The following MAPK8 variants were observed in gnomAD, a reference collection of about 807,000 sequenced individuals.
MAPK8 encodes mitogen-activated protein kinase 8.
In MAPK8, 13 loss-of-function variants were observed where a neutral mutation model predicts 52.9. That is an observed-to-expected ratio of 0.25 (90% confidence interval 0.16 to 0.39). The LOEUF (loss-of-function observed/expected upper bound fraction) is 0.39. Ranked by LOEUF, MAPK8 falls within the 10% of genes least tolerant of loss-of-function variation. The pLI, the probability that MAPK8 is intolerant of heterozygous loss-of-function variation, is 1.00. For missense variants in MAPK8, 300 were observed against 519.2 expected (o/e 0.58, Z 4.10); for synonymous variants, 191 against 169.8 (o/e 1.12, Z -0.97).
intron 1 of MAPK8, among the ~76,000 whole-genome samples, chr10:48,353,248 A>G (rs1846515556): frequency 6.6e-6 from 1 of 152,242 alleles, no homozygotes; most frequent in Admixed American, 6.5e-5. Context: ...TCTACGATTT[A>G]TATGAAAAGA....
intron 5 of MAPK8, among the ~76,000 whole-genome samples, chr10:48,416,882 A>G (rs1465423213): frequency 6.6e-6 from 1 of 152,098 alleles, no homozygotes; most frequent in Non-Finnish European, 1.5e-5. Flanking sequence ...TCTAAAGTGG[A>G]TATTGAAGAA....
At chr10:48,403,915 A>ATTTGTGTG (rs1554830219) in intron 2 of MAPK8, among the ~76,000 whole-genome samples, 11 of 58,710 alleles carry the variant, frequency 1.9e-4, no homozygotes, top group Non-Finnish European at 2.8e-4. Context: ...CGCCCGGCTA[A>ATTTGTGTG]TTTGTGTGTG....
At chr10:48,341,549 TACTC>T (rs1209238383) in intron 1 of MAPK8, among the ~76,000 whole-genome samples, 5 of 152,236 alleles carry the variant, frequency 3.3e-5, no homozygotes, top group Non-Finnish European at 7.3e-5. Flanking sequence ...GGATAAAAGA[TACTC>T]AAGCTATAGT....
rs529058910 is a variant in MAPK8, at chr10:48,435,089, C to A, written c.*60C>A. Reference sequence around the variant, plus strand: ...AGTCGGTTAGTCATTGATAGAACTACTTTGAAAACAATTCAGTGGTCTTAT... The same window carrying A: ...AGTCGGTTAGTCATTGATAGAACTAATTTGAAAACAATTCAGTGGTCTTAT... On this transcript the variant is annotated 3_prime_UTR_variant, in exon 12 of 12. Transcript: ENST00000374189. 46 of 1,282,928 alleles carry A rather than the reference C, an allele frequency of 3.6e-5. No individual in the cohort carries two copies. In the African/African-American group the frequency reaches 6.6e-4, roughly 18 times the overall value. The allele number at this position is 1,282,928 out of a possible 1,614,324, so 79.5% of individuals were successfully genotyped here.
chr10:48,381,483 A>C (rs934498878), intron 1 of MAPK8, among the ~76,000 whole-genome samples: 3 of 152,104 alleles, frequency 2.0e-5, no homozygotes, highest in African/African-American at 7.2e-5. Flanking sequence ...TACGATTTTA[A>C]CTCTTAGTAG....
rs1299013395 is a variant in MAPK8, at chr10:48,425,892, T to C, written c.693T>C (p.Ile231=). The part of the protein sequence containing the change: ...HKILFPGRDY[I]DQWNKVIEQL... Reference sequence around the variant, plus strand: ...TTCTTAGCTACTTGATATTAGATATTGATCAGTGGAATAAAGTTATTGAAC... The same window carrying C: ...TTCTTAGCTACTTGATATTAGATATCGATCAGTGGAATAAAGTTATTGAAC... The change falls in exon 8 of 12, where the codon ATT becomes ATC. Residue 231 remains isoleucine (I), a synonymous_variant. Coordinates refer to ENST00000374189, the MANE Select transcript of MAPK8 (RefSeq NM_001323329.2). The C allele has an allele frequency of 6.3e-7, 1 of 1,591,952 alleles. No individual in the cohort carries two copies. The highest frequency in any genetic ancestry group is 2.2e-5 in the East Asian group (1 of 44,644).
At chr10:48,310,061 A>G (rs1453437223) in intron 1 of MAPK8, among the ~76,000 whole-genome samples, 1 of 152,214 alleles carries the variant, frequency 6.6e-6, no homozygotes, top group East Asian at 1.9e-4. Flanking sequence ...CTGAAAGGTA[A>G]CAGGAGTATT....
At chr10:48,426,206 G>A in intron 8 of MAPK8, 136 bp downstream of exon 8, 1 of 953,004 alleles carries the variant, frequency 1.0e-6, no homozygotes, top group Non-Finnish European at 1.5e-6. Flanking sequence ...GGAAAAAAAT[G>A]AGGTTTTTGT....
intron 1 of MAPK8, among the ~76,000 whole-genome samples, chr10:48,360,959 A>G (rs908520900): frequency 3.9e-5 from 6 of 152,186 alleles, no homozygotes; most frequent in Admixed American, 3.9e-4. Context: ...TATACAGAAT[A>G]CACTTTGTTA....
At chr10:48,338,752 A>G (rs2132314613) in intron 1 of MAPK8, among the ~76,000 whole-genome samples, 1 of 152,282 alleles carries the variant, frequency 6.6e-6, no homozygotes, top group Middle Eastern at 3.4e-3. Context: ...TAAATGTACA[A>G]AAATCACTGG....
chr10:48,351,837 G>A (rs1010825373), intron 1 of MAPK8, among the ~76,000 whole-genome samples: 2 of 151,874 alleles, frequency 1.3e-5, no homozygotes, highest in Admixed American at 1.3e-4. Flanking sequence ...TATTTGCATT[G>A]GTTGAGCATC....
At chr10:48,324,851 T>C (rs1251081729) in intron 1 of MAPK8, among the ~76,000 whole-genome samples, 1 of 152,212 alleles carries the variant, frequency 6.6e-6, no homozygotes, top group Non-Finnish European at 1.5e-5. Context: ...TGAGATGACG[T>C]TTTGGTTCCC....
At chr10:48,379,598 A>C (rs2132712780) in intron 1 of MAPK8, among the ~76,000 whole-genome samples, 1 of 152,306 alleles carries the variant, frequency 6.6e-6, no homozygotes, top group South Asian at 2.1e-4. Context: ...ATGAGCTATA[A>C]ATGGCTCAAA....
At chr10:48,308,910 G>C (rs896035406) in intron 1 of MAPK8, among the ~76,000 whole-genome samples, 1 of 152,110 alleles carries the variant, frequency 6.6e-6, no homozygotes, top group Non-Finnish European at 1.5e-5. Flanking sequence ...ACAGTTTAGC[G>C]TTTGTTTTGT....
At chr10:48,339,353 T>C (rs1793915310) in intron 1 of MAPK8, among the ~76,000 whole-genome samples, 1 of 152,130 alleles carries the variant, frequency 6.6e-6, no homozygotes, top group Non-Finnish European at 1.5e-5. Context: ...CCCTATTCAA[T>C]AAATGGTGCT....
intron 1 of MAPK8, among the ~76,000 whole-genome samples, chr10:48,384,618 C>T (rs913930594): frequency 6.6e-6 from 1 of 152,188 alleles, no homozygotes; most frequent in African/African-American, 2.4e-5. Context: ...AGGGTTACCC[C>T]TAGGTTAAAG....
At chr10:48,384,463 T>G (rs1442416260) in intron 1 of MAPK8, among the ~76,000 whole-genome samples, 1 of 152,200 alleles carries the variant, frequency 6.6e-6, no homozygotes, top group Non-Finnish European at 1.5e-5. Context: ...CTGATTTTGT[T>G]GAATGGGTGG....
intron 5 of MAPK8, among the ~76,000 whole-genome samples, chr10:48,412,670 A>C (rs2042822258): frequency 6.6e-6 from 1 of 152,216 alleles, no homozygotes; most frequent in South Asian, 2.1e-4. Flanking sequence ...CCAGGGTCCC[A>C]CACTGAAAAT....
At chr10:48,400,715 G>A (rs2042116314) in intron 1 of MAPK8, among the ~76,000 whole-genome samples, 1 of 152,158 alleles carries the variant, frequency 6.6e-6, no homozygotes, top group African/African-American at 2.4e-5. Flanking sequence ...AATAACTTTA[G>A]ACCTAATTGG....
Sources: allele counts gnomAD v4.1 joint callset (sites outside exome capture counted in the v4.1 genomes callset), GRCh38; gene constraint gnomAD v4.1.1; transcripts MANE v1.5; gene names NCBI Gene and HGNC (gene_info 2026-07-23, HGNC 2026-07-21).